The following DYM variants were observed in gnomAD, a reference collection of about 807,000 sequenced individuals.
DYM encodes the protein dymeclin, also known as dyggve-Melchior-Clausen syndrome protein.
DYM carries 78 observed loss-of-function variants against 93.1 expected under a neutral mutation model. The observed-to-expected ratio is 0.84, with a 90% CI of 0.70 to 1.01. The LOEUF (loss-of-function observed/expected upper bound fraction) is 1.01. Ranked by LOEUF, DYM falls within the 50% of genes least tolerant of loss-of-function variation. DYM has a pLI of 0.00. For synonymous variants in DYM, 321 were observed against 319.7 expected (o/e 1.00, Z -0.04); for missense variants, 789 against 845.0 (o/e 0.93, Z 0.82).
Position 49,376,740 on chromosome 18 carries a change from G to C in DYM, c.421+1827C>G, listed in dbSNP as rs2067541769. Among the ~76,000 whole-genome samples the C allele has an allele frequency of 3.3e-5, 5 of 152,204 alleles. No individual in the cohort carries two copies. In the South Asian group the frequency reaches 1.0e-3, roughly 32 times the overall value. On this transcript the variant is annotated intron_variant, in intron 5 of 17. Transcript: ENST00000675505. Reference sequence around the variant, plus strand: ...ATGAACCTGCCAAATGGCTATCAAGGTGGCCAGTCACAGAAAAGCTGTTAA... The same window carrying C: ...ATGAACCTGCCAAATGGCTATCAAGCTGGCCAGTCACAGAAAAGCTGTTAA...
At chr18:49,112,848 T>C (rs1183074929) in intron 16 of DYM, among the ~76,000 whole-genome samples, 1 of 152,180 alleles carries the variant, frequency 6.6e-6, no homozygotes, top group Non-Finnish European at 1.5e-5. Context: ...CTATTCTCTG[T>C]GCCTAGAGTG....
intron 2 of DYM, among the ~76,000 whole-genome samples, chr18:49,410,426 G>A (rs72642463): frequency 6.6e-6 from 1 of 150,970 alleles, no homozygotes; most frequent in African/African-American, 2.4e-5. Flanking sequence ...GGTCCTCAGG[G>A]ATTAAGGTTA....
intron 13 of DYM, among the ~76,000 whole-genome samples, chr18:49,251,700 C>T (rs1416731865): frequency 1.3e-5 from 2 of 152,132 alleles, no homozygotes; most frequent in Non-Finnish European, 1.5e-5. Flanking sequence ...TCCCGTCTTA[C>T]AGATGGGAAA....
chr18:49,285,795 T>C (rs1345630068), intron 9 of DYM, among the ~76,000 whole-genome samples: 1 of 152,236 alleles, frequency 6.6e-6, no homozygotes, highest in African/African-American at 2.4e-5. Flanking sequence ...GAGATAATAC[T>C]GGTTCAACAT....
intron 5 of DYM, among the ~76,000 whole-genome samples, chr18:49,367,803 G>A (rs2066652105): frequency 6.6e-6 from 1 of 152,078 alleles, no homozygotes; most frequent in African/African-American, 2.4e-5. Flanking sequence ...GAACAGGGCT[G>A]TACTCCAAAA....
At chr18:49,240,457 TGA>T (rs1305188144) in intron 13 of DYM, among the ~76,000 whole-genome samples, 2 of 152,208 alleles carry the variant, frequency 1.3e-5, no homozygotes, top group African/African-American at 2.4e-5. Context: ...TTTAGTCATT[TGA>T]GAGATATTGG....
At chr18:49,048,296 C>T (rs2071908351) in intron 17 of DYM, 1 of 152,140 alleles carries the variant, frequency 6.6e-6, no homozygotes, top group Non-Finnish European at 1.5e-5. Flanking sequence ...TTAGGACGGC[C>T]TCAAACTTTA....
chr18:49,215,823 T>C (rs6507890), intron 13 of DYM, among the ~76,000 whole-genome samples: 151,667 of 152,308 alleles, frequency 1, 75,520 homozygotes, highest in Middle Eastern at 1. Flanking sequence ...GAGTAAGCAA[T>C]GCAGAAGACG....
chr18:49,446,902 T>C (rs926321046), intron 1 of DYM, among the ~76,000 whole-genome samples: 2 of 151,660 alleles, frequency 1.3e-5, no homozygotes, highest in African/African-American at 4.9e-5. Context: ...CTACTAAAAA[T>C]ACAAAAATTA....
intron 14 of DYM, among the ~76,000 whole-genome samples, chr18:49,174,424 A>C (rs1273537149): frequency 6.6e-6 from 1 of 152,180 alleles, no homozygotes; most frequent in Non-Finnish European, 1.5e-5. Flanking sequence ...TCATAAATGG[A>C]AGAGCTAGAA....
intron 8 of DYM, among the ~76,000 whole-genome samples, chr18:49,323,170 TG>T (rs1271663729): frequency 6.6e-6 from 1 of 152,238 alleles, no homozygotes; most frequent in Non-Finnish European, 1.5e-5. Context: ...TGTTTTGTTT[TG>T]TTTTTTGTTT....
intron 15 of DYM, among the ~76,000 whole-genome samples, chr18:49,128,884 T>C (rs2083098672): frequency 6.6e-6 from 1 of 152,148 alleles, no homozygotes; most frequent in Non-Finnish European, 1.5e-5. Context: ...AAAATAATCA[T>C]TCTCCAACCC....
At chr18:49,311,884 A>G (rs116687125) in intron 8 of DYM, among the ~76,000 whole-genome samples, 2,201 of 152,246 alleles carry the variant, frequency 0.014, 54 homozygotes, top group African/African-American at 0.05. Context: ...ATAATTAAAA[A>G]AAAAAAAAGA....
intron 1 of DYM, among the ~76,000 whole-genome samples, chr18:49,454,487 C>T (rs1432832875): frequency 1.3e-5 from 2 of 152,192 alleles, no homozygotes; most frequent in South Asian, 2.1e-4. Context: ...AACTGGAAAG[C>T]CCATTTGCAT....
Position 49,378,667 on chromosome 18 carries a change from C to T in DYM, c.321G>A (p.Leu107=), listed in dbSNP as rs16950519. 4.8e-4 allele frequency: 779 copies of T among 1,613,278 alleles called. 6 individuals are homozygous for T. The East Asian group carries it at 0.015, about 31-fold the overall frequency. Residue 107 remains leucine (L), a synonymous_variant, in exon 5 of 18, where the codon TTG becomes TTA. Coordinates refer to ENST00000675505, the MANE Select transcript of DYM (RefSeq NM_001353214.3). ...HIFIWQTHNA[L]FIICCLLKVF... ...CTTTCAGCAAACAGCAAATAATAAA[C>T]AAAGCATTGTGTGTCTGCCAAATGA...
intron 13 of DYM, among the ~76,000 whole-genome samples, chr18:49,224,950 T>C (rs1172870084): frequency 2.0e-5 from 3 of 152,112 alleles, no homozygotes. Context: ...AGAGGTTATC[T>C]TGATGAAGGA....
chr18:49,066,897 C>T (rs1241217237), intron 17 of DYM, among the ~76,000 whole-genome samples: 3 of 152,170 alleles, frequency 2.0e-5, no homozygotes, highest in Admixed American at 1.3e-4. Context: ...CATCCCATCA[C>T]AATGAAGATA....
intron 14 of DYM, among the ~76,000 whole-genome samples, chr18:49,170,778 CT>C (rs199574331): frequency 0.17 from 7,792 of 46,540 alleles, 1,982 homozygotes; most frequent in Admixed American, 0.28. Flanking sequence ...GAGACTCCGT[CT>C]CAAAAAAAAA....
intron 17 of DYM, among the ~76,000 whole-genome samples, chr18:49,095,542 A>C (rs1568411294): frequency 6.6e-6 from 1 of 151,928 alleles, no homozygotes; most frequent in African/African-American, 2.4e-5. Flanking sequence ...CAGGAGTACA[A>C]CTTCTTGCTA....
Sources: allele counts gnomAD v4.1 joint callset (sites outside exome capture counted in the v4.1 genomes callset), GRCh38; gene constraint gnomAD v4.1.1; transcripts MANE v1.5; gene names NCBI Gene and HGNC (gene_info 2026-07-23, HGNC 2026-07-21).